PPP2R2C: variants seen among roughly 807,000 people sequenced by gnomAD.
The protein encoded by PPP2R2C is protein phosphatase 2 regulatory subunit Bgamma.
Under a neutral mutation model 45.3 loss-of-function variants are expected in PPP2R2C, and 10 were observed. The ratio of observed to expected loss-of-function variants is 0.22; its 90% CI spans 0.14 to 0.37. The LOEUF (loss-of-function observed/expected upper bound fraction) is 0.37, where lower values mean the gene tolerates loss of function less well. Among genes scored for constraint, PPP2R2C ranks in the 10% least tolerant of loss-of-function variants. PPP2R2C has a pLI of 1.00. For missense variants in PPP2R2C, 308 were observed against 619.7 expected, an observed-to-expected ratio of 0.50 and a Z score of 5.34; for synonymous variants, 257 against 245.4, an observed-to-expected ratio of 1.05 and a Z score of -0.44.
chr4:6,327,733 GC>G (rs1427580482), intron 8 of PPP2R2C, among the ~76,000 whole-genome samples: 8 of 152,044 alleles, frequency 5.3e-5, no homozygotes, highest in Non-Finnish European at 8.8e-5. Flanking sequence ...TGCCAGCCCA[GC>G]CCCGGGTCGG....
chr4:6,379,072 C>A (rs1158272580), intron 2 of PPP2R2C, among the ~76,000 whole-genome samples: 2 of 152,174 alleles, frequency 1.3e-5, no homozygotes, highest in East Asian at 3.9e-4. Context: ...CCCTGACTTG[C>A]TCCTGGATTC....
At chr4:6,560,753 C>G (rs1725548543) in intron 1 of PPP2R2C, among the ~76,000 whole-genome samples, 2 of 152,232 alleles carry the variant, frequency 1.3e-5, no homozygotes, top group East Asian at 3.8e-4. Flanking sequence ...GTTTAAGGCT[C>G]TGCAGAGTCA....
At chr4:6,381,615 G>A in intron 1 of PPP2R2C, 1 of 1,484,940 alleles carries the variant, frequency 6.7e-7, no homozygotes. Flanking sequence ...TCAGACTCCT[G>A]CTCTGTGGCC....
At chr4:6,537,745 T>C (rs1724679376) in intron 1 of PPP2R2C, among the ~76,000 whole-genome samples, 1 of 152,022 alleles carries the variant, frequency 6.6e-6, no homozygotes, top group African/African-American at 2.4e-5. Flanking sequence ...AGAGACGGGG[T>C]TTCACTATGT....
At chr4:6,470,716 G>A (rs1322889688) in intron 1 of PPP2R2C, among the ~76,000 whole-genome samples, 2 of 152,176 alleles carry the variant, frequency 1.3e-5, no homozygotes, top group Non-Finnish European at 2.9e-5. Flanking sequence ...ACTCAGCCTC[G>A]CCGAAGCAGG....
chr4:6,491,604 C>A (rs1020613165), intron 2 of PPP2R2C, among the ~76,000 whole-genome samples: 2 of 152,164 alleles, frequency 1.3e-5, no homozygotes, highest in Non-Finnish European at 2.9e-5. Flanking sequence ...ATGTCCCCAC[C>A]CAAGTCTCAT....
chr4:6,466,743 A>G (rs1721616258), intron 1 of PPP2R2C, among the ~76,000 whole-genome samples: 1 of 152,172 alleles, frequency 6.6e-6, no homozygotes, highest in Non-Finnish European at 1.5e-5. Context: ...GATAAACACT[A>G]AAAAGTGTAG....
At chr4:6,510,981 A>AAAC (rs1553905394) in intron 2 of PPP2R2C, among the ~76,000 whole-genome samples, 5 of 62,222 alleles carry the variant, frequency 8.0e-5, no homozygotes, top group African/African-American at 3.4e-4. Flanking sequence ...CGTCTCAAAC[A>AAAC]AAAAAAAACA....
At chr4:6,390,612 C>A (rs1716553260) in intron 1 of PPP2R2C, among the ~76,000 whole-genome samples, 1 of 152,204 alleles carries the variant, frequency 6.6e-6, no homozygotes, top group African/African-American at 2.4e-5. Context: ...GACTGGACAT[C>A]AGCACTGAGT....
At position 6,378,770 on chromosome 4, in the gene PPP2R2C, T is replaced by A. The variant is rs1715551399; in HGVS notation, c.169-198A>T. Among the ~76,000 whole-genome samples the A allele has an allele frequency of 6.6e-6, 1 of 151,996 alleles. No homozygotes were observed. Among genetic ancestry groups the A allele is most frequent in the Non-Finnish European group, 1.5e-5 (1 of 68,002 alleles). ...GTGCCAGGGACAAGCCCCGCTCCCG[T>A]GCGGTCCCATGAAACACTCACACCC... is the stretch of plus-strand genomic sequence containing the variant. On this transcript the variant is annotated intron_variant, in intron 2 of 8. Transcript: ENST00000382599. This position sits in a 1 kb window ranked among gnomAD's most constrained non-coding sequence, Gnocchi z 5.2.
At chr4:6,544,774 C>G (rs1187983467) in intron 1 of PPP2R2C, among the ~76,000 whole-genome samples, 1 of 152,226 alleles carries the variant, frequency 6.6e-6, no homozygotes, top group African/African-American at 2.4e-5. Flanking sequence ...TCTCCCTGTG[C>G]TCTGCAACTG....
chr4:6,450,516 G>A (rs1291096944), intron 1 of PPP2R2C, among the ~76,000 whole-genome samples: 1 of 152,120 alleles, frequency 6.6e-6, no homozygotes, highest in African/African-American at 2.4e-5. Flanking sequence ...GTCAGCTCGG[G>A]GGGTTCCAGC....
chr4:6,494,100 C>G (rs1023300570), intron 2 of PPP2R2C, among the ~76,000 whole-genome samples: 1 of 152,240 alleles, frequency 6.6e-6, no homozygotes, highest in Non-Finnish European at 1.5e-5. Context: ...TTTCTTGGCA[C>G]TCTGGCCAAC....
intron 1 of PPP2R2C, among the ~76,000 whole-genome samples, chr4:6,558,294 G>T (rs1176537434): frequency 6.6e-6 from 1 of 152,204 alleles, no homozygotes; most frequent in East Asian, 1.9e-4. Context: ...TGCTGGTGGG[G>T]CTGTCACTTA....
chr4:6,382,335 T>C (rs905633031), intron 1 of PPP2R2C: 2 of 1,301,018 alleles, frequency 1.5e-6, no homozygotes, highest in Non-Finnish European at 2.0e-6. Flanking sequence ...TTTAGCAAAA[T>C]GGATCTACTT....
chr4:6,540,986 A>G (rs1304882300), intron 1 of PPP2R2C, among the ~76,000 whole-genome samples: 3 of 152,180 alleles, frequency 2.0e-5, no homozygotes, highest in South Asian at 2.1e-4. Flanking sequence ...CTCCATCCAT[A>G]GCATATGGTG....
chr4:6,382,579 C>T (rs1715881818), intron 1 of PPP2R2C: 8 of 1,282,084 alleles, frequency 6.2e-6, no homozygotes, highest in Non-Finnish European at 8.3e-6. Flanking sequence ...GTGATGACAG[C>T]TCTATTGTTC....
intron 1 of PPP2R2C, among the ~76,000 whole-genome samples, chr4:6,431,677 A>T (rs1719630567): frequency 6.6e-6 from 1 of 151,508 alleles, no homozygotes. Context: ...AACCACTTAT[A>T]CTCTAGTCCA....
intron 1 of PPP2R2C, among the ~76,000 whole-genome samples, chr4:6,391,245 T>C (rs768384598): frequency 3.9e-5 from 6 of 151,990 alleles, no homozygotes; most frequent in Non-Finnish European, 8.8e-5. Context: ...TTGGAAACAA[T>C]CCCTGTTCCA....
Sources: gnomAD v4.1 joint callset for allele counts (sites outside exome capture counted in the v4.1 genomes callset) on GRCh38, gnomAD v4.1.1 for gene constraint, Gnocchi (gnomAD v3.1) non-coding constraint, MANE v1.5 for transcripts, NCBI Gene and HGNC (gene_info 2026-07-23, HGNC 2026-07-21) for gene names.